NAV1: variants seen among roughly 807,000 people sequenced by gnomAD.
NAV1 encodes pore membrane and/or filament interacting like protein 3.
A neutral mutation model predicts 175.2 loss-of-function variants in NAV1; 18 were observed. The ratio of observed to expected loss-of-function variants is 0.10; its 90% CI spans 0.07 to 0.15. The LOEUF (loss-of-function observed/expected upper bound fraction) is 0.15. Ranked by LOEUF, NAV1 falls within the 10% of genes least tolerant of loss-of-function variation. NAV1 has a pLI of 1.00. For missense variants in NAV1, 1,731 were observed against 2,436.6 expected (o/e 0.71, Z 6.10); for synonymous variants, 897 against 978.7 (o/e 0.92, Z 1.56).
chr1:201,813,089 C>A lies in NAV1; in HGVS notation c.5222-51C>A. ...CTAAGGAGTAAAAGAGGCACACAAC[C>A]GGGAAGATCTAGGTTCCCAGCCATC... On this transcript the variant is annotated intron_variant, in intron 27 of 29. Coordinates refer to ENST00000367296, the Ensembl canonical transcript of NAV1. The surrounding 1 kb of genome is among the most constrained non-coding windows in gnomAD (Gnocchi z 4.2). The A allele has an allele frequency of 7.5e-7, 1 of 1,335,484 alleles. No homozygotes were observed. The highest frequency in any genetic ancestry group is 1.1e-6 in the Non-Finnish European group (1 of 932,086). The allele number at this position is 1,335,484 out of a possible 1,614,324, so 82.7% of individuals were successfully genotyped here.
At chr1:201,821,546 AC>A (rs1449203376) in exon 30 of NAV1, 4 of 130,528 alleles carry the variant, frequency 3.1e-5, no homozygotes, top group African/African-American at 1.1e-4. Flanking sequence ...ACACACACAC[AC>A]ACACAAGACC....
intron 1 of NAV1, among the ~76,000 whole-genome samples, chr1:201,701,727 A>G (rs999328724): frequency 1.3e-5 from 2 of 152,252 alleles, no homozygotes; most frequent in Non-Finnish European, 2.9e-5. Context: ...AAAAGAGACA[A>G]TGACAAGTGT....
At chr1:201,658,527 A>G (rs1669491921) in intron 1 of NAV1, among the ~76,000 whole-genome samples, 1 of 152,136 alleles carries the variant, frequency 6.6e-6, no homozygotes, top group Non-Finnish European at 1.5e-5. Context: ...GGTAGTGATG[A>G]GTCCTGTCTG....
chr1:201,620,327 C>T (rs575496296), upstream of NAV1, among the ~76,000 whole-genome samples: 25 of 152,320 alleles, frequency 1.6e-4, no homozygotes, highest in African/African-American at 6.0e-4. Flanking sequence ...TGCCAATTCA[C>T]CCTTTGAGAA....
At chr1:201,644,809 G>A (rs1668920260), upstream of NAV1, among the ~76,000 whole-genome samples, 1 of 152,292 alleles carries the variant, frequency 6.6e-6, no homozygotes, top group African/African-American at 2.4e-5. Context: ...TTGGGATTTG[G>A]GGAATAGGAT....
intron 1 of NAV1, among the ~76,000 whole-genome samples, chr1:201,686,933 A>G (rs1670709181): frequency 6.6e-6 from 1 of 152,176 alleles, no homozygotes; most frequent in Non-Finnish European, 1.5e-5. Flanking sequence ...TTTGTCACTC[A>G]ATTCAGAAGC....
intron 1 of NAV1, among the ~76,000 whole-genome samples, chr1:201,579,392 A>G (rs1232672308): frequency 2.0e-5 from 3 of 152,086 alleles, no homozygotes; most frequent in Non-Finnish European, 2.9e-5. Context: ...GTCTTACTCT[A>G]TCACCCAAGC....
chr1:201,591,808 T>C (rs1241268593), intron 2 of NAV1, among the ~76,000 whole-genome samples: 1 of 151,886 alleles, frequency 6.6e-6, no homozygotes, highest in African/African-American at 2.4e-5. Context: ...AGCTGAATCG[T>C]GAGACAGGGA....
chr1:201,734,499 G>GAGGAGAAGAAGAAGAAGAAGA (rs1184118304), intron 3 of NAV1, among the ~76,000 whole-genome samples: 3 of 121,060 alleles, frequency 2.5e-5, no homozygotes, highest in African/African-American at 8.7e-5. Flanking sequence ...GAAGGAGAAG[G>GAGGAGAAGAAGAAGAAGAAGA]AGAAGAAGAA....
chr1:201,708,444 A>G (rs1029498779), intron 1 of NAV1, among the ~76,000 whole-genome samples: 5 of 149,868 alleles, frequency 3.3e-5, no homozygotes, highest in African/African-American at 1.2e-4. Flanking sequence ...TTGCGCGCAC[A>G]CACACACACA....
chr1:201,782,767 A>G lies in NAV1; in HGVS notation c.2255A>G (p.Asn752Ser), dbSNP rs758771989. The change falls in exon 6 of 30, where the codon AAC becomes AGC. Residue 752 changes from asparagine to serine, a missense_variant. By Grantham distance (46) the Asn-to-Ser change is conservative (BLOSUM62 1). Around this residue, in one of 13 missense-constraint regions of NAV1, gnomAD observed 634 missense variants for 766.8 expected, o/e 0.83. Transcript: ENST00000367296. This position sits in a 1 kb window ranked among gnomAD's most constrained non-coding sequence, Gnocchi z 5.4. ...AAGGCAGTGGCCTTGGACTCAGACA[A>G]CATCTCCTTGAAGAGTATTGGCTCC... 12 of 1,614,114 alleles carry G rather than the reference A, an allele frequency of 7.4e-6. No homozygotes were observed. Among genetic ancestry groups the G allele is most frequent in the South Asian group, 2.2e-5 (2 of 91,078 alleles).
intron 2 of NAV1, among the ~76,000 whole-genome samples, chr1:201,609,537 T>G (rs1667787566): frequency 6.6e-6 from 1 of 152,172 alleles, no homozygotes; most frequent in South Asian, 2.1e-4. Context: ...TGATACTACC[T>G]CCATCTGCCT....
chr1:201,680,726 T>TTTTATTTTGTTGTTCAAATTAAA (rs1670433385), intron 1 of NAV1, among the ~76,000 whole-genome samples: 1 of 152,036 alleles, frequency 6.6e-6, no homozygotes, highest in Non-Finnish European at 1.5e-5. Context: ...TCACTATGTT[T>TTTTATTTTGTTGTTCAAATTAAA]TTTATTTTGT....
Position 201,808,335 on chromosome 1 carries a change from G to A in NAV1, c.3846-83G>A. On this transcript the variant is annotated intron_variant, in intron 18 of 29. Coordinates refer to ENST00000367296, the Ensembl canonical transcript of NAV1. The surrounding 1 kb of genome is among the most constrained non-coding windows in gnomAD (Gnocchi z 5.5). ...AATATCAATGGGCAGGAGAAGCCAAGACCACCAACCATGCCTCTCAATATT... is the reference window on the plus strand; with the variant it reads ...AATATCAATGGGCAGGAGAAGCCAAAACCACCAACCATGCCTCTCAATATT... 6.7e-7 allele frequency: 1 copy of A among 1,496,546 alleles called. No individual in the cohort carries two copies. Among genetic ancestry groups the A allele is most frequent in the South Asian group, 1.3e-5 (1 of 75,692 alleles). The allele number at this position is 1,496,546 out of a possible 1,614,324, so 92.7% of individuals were successfully genotyped here. A position where few individuals can be genotyped will look rare whatever the true frequency, so the allele number is the denominator to read the frequency against.
At chr1:201,783,426 T>A (rs1288875770) in exon 7 of NAV1, 1 of 1,613,920 alleles carries the variant, frequency 6.2e-7, no homozygotes, top group African/African-American at 1.3e-5. Context: ...AAGAGCTTTG[T>A]CAAACCACCC....
intron 2 of NAV1, among the ~76,000 whole-genome samples, chr1:201,591,426 G>A (rs1253468547): frequency 1.3e-5 from 2 of 152,146 alleles, no homozygotes; most frequent in Non-Finnish European, 2.9e-5. Context: ...CCGAGTCAGG[G>A]CCCCTCCCAG....
chr1:201,808,108 C>G lies in NAV1; in HGVS notation c.3804C>G (p.Ile1268Met). The G allele has an allele frequency of 6.2e-7, 1 of 1,614,230 alleles. No homozygotes were observed. The highest frequency in any genetic ancestry group is 1.1e-5 in the South Asian group (1 of 91,092). Residue 1268 changes from isoleucine to methionine, a missense_variant, in exon 18 of 30, where the codon ATC (isoleucine) becomes ATG (methionine). Ile to Met is a conservative substitution (Grantham distance 10). Transcript: ENST00000367296. The surrounding 1 kb of genome is among the most constrained non-coding windows in gnomAD (Gnocchi z 5.5). ...CTACAGAGACTGCTTCACCCTCCAT[C>G]AAGTCCTCCACCTCGTCCTCCGTGG...
intron 1 of NAV1, among the ~76,000 whole-genome samples, chr1:201,576,582 A>AT (rs1300759686): frequency 6.6e-6 from 1 of 152,150 alleles, no homozygotes; most frequent in African/African-American, 2.4e-5. Context: ...CCAAAAAAAA[A>AT]AATAATAAAG....
intron 3 of NAV1, among the ~76,000 whole-genome samples, chr1:201,753,851 A>C (rs1020320772): frequency 3.3e-5 from 5 of 152,196 alleles, no homozygotes. Flanking sequence ...GTTGTTACAC[A>C]AAAGAAGGGA....
Sources: gnomAD v4.1 joint callset for allele counts (sites outside exome capture counted in the v4.1 genomes callset) on GRCh38, gnomAD v4.1.1 for gene constraint, gnomAD v4.1.1 regional missense constraint, Gnocchi (gnomAD v3.1) non-coding constraint, MANE v1.5 for transcripts, NCBI Gene and HGNC (gene_info 2026-07-23, HGNC 2026-07-21) for gene names.